The following METTL21A variants were observed in gnomAD, a reference collection of about 807,000 sequenced individuals.
METTL21A encodes the protein protein N-lysine methyltransferase METTL21A.
METTL21A carries 22 observed loss-of-function variants against 20.9 expected under a neutral mutation model. That is an observed-to-expected ratio of 1.05 (90% CI 0.75 to 1.50). METTL21A has a LOEUF of 1.50. METTL21A is among the 40% of genes most tolerant of loss of function. The pLI is 0.00. For synonymous variants in METTL21A, 93 were observed against 102.0 expected (o/e 0.91, Z 0.53); for missense variants, 271 against 266.8 (o/e 1.02, Z -0.11).
chr2:207,600,859 A>C, intron 3 of METTL21A: 1 of 205,082 alleles, frequency 4.9e-6, no homozygotes, highest in Non-Finnish European at 1.0e-5. Flanking sequence ...ACAAAGGCTT[A>C]GGAAGAAATA....
chr2:207,603,384 T>G (rs1163261903), intron 3 of METTL21A: 1 of 224,860 alleles, frequency 4.4e-6, no homozygotes, highest in African/African-American at 2.2e-5. Flanking sequence ...AATGCTCTTT[T>G]TACACAAACA....
intron 3 of METTL21A, among the ~76,000 whole-genome samples, chr2:207,614,176 G>A (rs2089369054): frequency 6.6e-6 from 1 of 152,122 alleles, no homozygotes; most frequent in African/African-American, 2.4e-5. Context: ...TGAGGTGGGA[G>A]AAGCCCTTGA....
At chr2:207,588,755 G>A (rs1364245681) in intron 3 of METTL21A, among the ~76,000 whole-genome samples, 1 of 150,250 alleles carries the variant, frequency 6.7e-6, no homozygotes, top group Non-Finnish European at 1.5e-5. Context: ...GTGTGGGGGT[G>A]GGGGGACATG....
chr2:207,598,111 A>T (rs891465395), intron 3 of METTL21A: 2 of 180,612 alleles, frequency 1.1e-5, no homozygotes, highest in Non-Finnish European at 2.4e-5. Flanking sequence ...AAAAATACTG[A>T]TTTTAAATAT....
intron 3 of METTL21A, among the ~76,000 whole-genome samples, chr2:207,583,904 T>C (rs895702694): frequency 6.6e-6 from 1 of 152,216 alleles, no homozygotes; most frequent in Non-Finnish European, 1.5e-5. Context: ...TATTCCATAA[T>C]CTCTTATAAA....
At chr2:207,606,673 G>C (rs1298378943), downstream of METTL21A, among the ~76,000 whole-genome samples, 1 of 152,164 alleles carries the variant, frequency 6.6e-6, no homozygotes, top group South Asian at 2.1e-4. Context: ...CTGGGGAGCA[G>C]TGAGGTTGTG....
At chr2:207,613,269 A>G (rs2089228866) in exon 4 of METTL21A, 1 of 1,613,914 alleles carries the variant, frequency 6.2e-7, no homozygotes, top group Non-Finnish European at 8.5e-7. Flanking sequence ...TAAATATATG[A>G]TATCAGCACC....
rs1368239319 is a variant in METTL21A, at chr2:207,613,210, T to G, written c.493A>C (p.Asn165His). ...CATGCTAAAAGAATCACAGAGTGAT[T>G]GCTACAGAGATGTTCCAGTGTCTGA... The change falls in exon 4 of 4, where the codon AAT becomes CAT. Residue 165 changes from asparagine to histidine, a missense_variant. Transcript: ENST00000406927. The G allele has an allele frequency of 1.9e-6, 3 of 1,613,900 alleles. No homozygotes were observed. In the African/African-American group the frequency reaches 4.0e-5, roughly 22 times the overall value.
At chr2:207,621,875 G>A in exon 3 of METTL21A, 4 of 1,614,184 alleles carry the variant, frequency 2.5e-6, no homozygotes, top group Non-Finnish European at 3.4e-6. Flanking sequence ...CGGCCCCTGA[G>A]CTCCACAGCT....
chr2:207,597,639 T>C (rs1263239543), intron 3 of METTL21A: 1 of 207,880 alleles, frequency 4.8e-6, no homozygotes, highest in East Asian at 7.4e-5. Flanking sequence ...GTGCTTTTTA[T>C]GTATGTTGTC....
chr2:207,595,300 G>A (rs1257044019), intron 3 of METTL21A, among the ~76,000 whole-genome samples: 2 of 151,680 alleles, frequency 1.3e-5, no homozygotes, highest in Admixed American at 1.3e-4. Flanking sequence ...AGCCTATATT[G>A]AGCATCTTTT....
At chr2:207,615,435 C>T (rs1308501525) in intron 3 of METTL21A, among the ~76,000 whole-genome samples, 4 of 151,578 alleles carry the variant, frequency 2.6e-5, no homozygotes, top group East Asian at 1.9e-4. Flanking sequence ...TGGTGGCTCA[C>T]GCCTGTAATC....
chr2:207,614,712 T>C lies in METTL21A; in HGVS notation c.260-1269A>G, dbSNP rs528296520. Among the ~76,000 whole-genome samples, 7 of 152,326 alleles carry C rather than the reference T, an allele frequency of 4.6e-5. No individual in the cohort carries two copies. The South Asian group carries it at 6.2e-4, about 14-fold the overall frequency. ...GTTGTTGACAAAAAGATCCTTTTTT[T>C]TGAACCAATGTGGGTAAGAGAAGAC... is the stretch of plus-strand genomic sequence containing the variant. On this transcript the variant is annotated intron_variant, in intron 3 of 3. Coordinates refer to ENST00000406927, the Ensembl canonical transcript of METTL21A.
At chr2:207,621,716 G>A in intron 3 of METTL21A, 90 bp downstream of exon 3, 1 of 1,133,956 alleles carries the variant, frequency 8.8e-7, no homozygotes, top group Non-Finnish European at 1.3e-6. Context: ...CCAGTAAGGG[G>A]AAAACCCACG....
exon 4 of METTL21A, chr2:207,612,758 C>T (rs751399274): frequency 1.6e-5 from 4 of 254,196 alleles, no homozygotes; most frequent in Non-Finnish European, 3.0e-5. Context: ...TCAGTGGAAA[C>T]TGTTTATTAA....
exon 4 of METTL21A, chr2:207,581,763 T>C (rs922888504): frequency 7.4e-6 from 5 of 680,180 alleles, no homozygotes; most frequent in Middle Eastern, 3.3e-4. Context: ...AACTGAATTA[T>C]ACATTTTATT....
At chr2:207,592,643 A>G (rs1052491887) in intron 3 of METTL21A, among the ~76,000 whole-genome samples, 1 of 151,962 alleles carries the variant, frequency 6.6e-6, no homozygotes, top group Non-Finnish European at 1.5e-5. Context: ...ATTCTTGGCC[A>G]GGTGCAGTGG....
intron 3 of METTL21A, among the ~76,000 whole-genome samples, chr2:207,584,535 G>C (rs1031102111): frequency 1.1e-4 from 16 of 152,080 alleles, no homozygotes; most frequent in Non-Finnish European, 2.2e-4. Context: ...TCCCTGAGTA[G>C]TCAGGATTAC....
chr2:207,585,726 ATAGT>A (rs1273204699), intron 3 of METTL21A, among the ~76,000 whole-genome samples: 3 of 152,224 alleles, frequency 2.0e-5, no homozygotes, highest in Non-Finnish European at 4.4e-5. Flanking sequence ...AAAGAGGTAA[ATAGT>A]TAAAGAAACA....
Sources: allele counts gnomAD v4.1 joint callset (sites outside exome capture counted in the v4.1 genomes callset), GRCh38; gene constraint gnomAD v4.1.1; transcripts MANE v1.5; gene names NCBI Gene and HGNC (gene_info 2026-07-23, HGNC 2026-07-21).